RPS6KC1: variants seen among roughly 807,000 people sequenced by gnomAD.
The protein encoded by RPS6KC1 is ribosomal protein S6 kinase C1.
In RPS6KC1, 54 loss-of-function variants were observed where a neutral mutation model predicts 103.8. The ratio of observed to expected loss-of-function variants is 0.52; its 90% CI spans 0.42 to 0.65. The LOEUF (loss-of-function observed/expected upper bound fraction) is 0.65. Ranked by LOEUF, RPS6KC1 falls within the 30% of genes least tolerant of loss-of-function variation. The pLI is 0.00. For missense variants in RPS6KC1, 1,151 were observed against 1,253.8 expected (o/e 0.92, Z 1.24); for synonymous variants, 439 against 438.7 (o/e 1.00, Z -0.01).
chr1:213,217,943 T>C lies in RPS6KC1; in HGVS notation c.1045-12554T>C, dbSNP rs554958786. Among the ~76,000 whole-genome samples the C allele has an allele frequency of 7.2e-5, 11 of 152,244 alleles. No homozygotes were observed. The East Asian group carries it at 7.7e-4, about 11-fold the overall frequency. The stretch of plus-strand genomic sequence containing the variant: ...ACTGAATGGGCAAAACCTGGAAGCA[T>C]TCCCTTTGAAAACTGGCACAAGACA... On this transcript the variant is annotated intron_variant, in intron 8 of 14. Coordinates refer to ENST00000366960, the MANE Select transcript of RPS6KC1 (RefSeq NM_012424.6).
At chr1:213,095,451 G>A (rs2081361779) in intron 3 of RPS6KC1, among the ~76,000 whole-genome samples, 1 of 152,156 alleles carries the variant, frequency 6.6e-6, no homozygotes, top group South Asian at 2.1e-4. Context: ...ACAACATAGG[G>A]AAGATACCAA....
At chr1:213,843,075 A>T in the RPS6KC1 span, among the ~76,000 whole-genome samples, 6 of 152,202 alleles carry the variant, frequency 3.9e-5, no homozygotes, top group Non-Finnish European at 7.3e-5. Context: ...TGAAATCTAC[A>T]GGCTGAAAAC....
At chr1:213,204,851 T>G (rs1326493023) in intron 8 of RPS6KC1, among the ~76,000 whole-genome samples, 1 of 152,030 alleles carries the variant, frequency 6.6e-6, no homozygotes, top group Non-Finnish European at 1.5e-5. Context: ...GTAGTCTCAG[T>G]CTCCTGGGCT....
the RPS6KC1 span, among the ~76,000 whole-genome samples, chr1:213,714,909 G>C: frequency 3.3e-5 from 5 of 152,210 alleles, no homozygotes; most frequent in Admixed American, 3.3e-4. Context: ...TATGGTGGGA[G>C]GGACGGCCAT....
chr1:213,169,293 T>C (rs1410641094), intron 7 of RPS6KC1, among the ~76,000 whole-genome samples: 1 of 152,208 alleles, frequency 6.6e-6, no homozygotes, highest in Non-Finnish European at 1.5e-5. Context: ...ATTCTGAGAA[T>C]TTCTGATGTT....
At chr1:213,650,443 A>T in the RPS6KC1 span, among the ~76,000 whole-genome samples, 1 of 152,166 alleles carries the variant, frequency 6.6e-6, no homozygotes, top group Non-Finnish European at 1.5e-5. Context: ...GCCTTTTAAC[A>T]TTGCTCATGG....
the RPS6KC1 span, among the ~76,000 whole-genome samples, chr1:213,353,237 T>C: frequency 1.3e-5 from 2 of 152,250 alleles, no homozygotes; most frequent in African/African-American, 4.8e-5. Context: ...ATCTACTGAG[T>C]AAATGAATGC....
the RPS6KC1 span, among the ~76,000 whole-genome samples, chr1:213,666,149 G>T: frequency 2.6e-5 from 4 of 152,276 alleles, no homozygotes; most frequent in Non-Finnish European, 5.9e-5. Context: ...GAAGCTGGCT[G>T]GGACCTCAAA....
At chr1:213,776,692 A>G in the RPS6KC1 span, among the ~76,000 whole-genome samples, 1 of 152,218 alleles carries the variant, frequency 6.6e-6, no homozygotes, top group Non-Finnish European at 1.5e-5. Context: ...TTAGCTCCTA[A>G]CAAGAGAATC....
At position 213,242,146 on chromosome 1, in the gene RPS6KC1, TA is replaced by T. The variant is rs755980697; in HGVS notation, c.2676del (p.Lys892AsnfsTer2). The T allele has an allele frequency of 6.2e-7, 1 of 1,613,826 alleles. No homozygotes were observed. The highest frequency in any genetic ancestry group is 8.5e-7 in the Non-Finnish European group (1 of 1,179,828). ...EIHQIFEDLDKKLALASRFYI... is the reference protein window; with the variant it reads ...EIHQIFEDLDXKLALASRFYI... ...TACATCAGATTTTTGAGGACCTTGA[TA>T]AAAAATTAGCACTAGCCTCCAGGTT... On this transcript the variant is annotated frameshift_variant, in exon 11 of 15. Coordinates refer to ENST00000366960, the MANE Select transcript of RPS6KC1 (RefSeq NM_012424.6). LOFTEE classifies it high-confidence loss of function.
At chr1:213,301,939 T>C in the RPS6KC1 span, among the ~76,000 whole-genome samples, 3 of 152,128 alleles carry the variant, frequency 2.0e-5, no homozygotes, top group Non-Finnish European at 4.4e-5. Context: ...TTTCGCCATC[T>C]GGGCCAGGCA....
At chr1:213,223,674 T>A (rs1190290152) in intron 8 of RPS6KC1, among the ~76,000 whole-genome samples, 1 of 152,198 alleles carries the variant, frequency 6.6e-6, no homozygotes, top group African/African-American at 2.4e-5. Context: ...TAAACATGTA[T>A]ATGCATGTGT....
chr1:213,632,336 T>C, the RPS6KC1 span, among the ~76,000 whole-genome samples: 3 of 152,102 alleles, frequency 2.0e-5, no homozygotes, highest in South Asian at 2.1e-4. Flanking sequence ...CCCAGCATGA[T>C]TGATGCAGAA....
chr1:213,338,819 G>C, the RPS6KC1 span, among the ~76,000 whole-genome samples: 1 of 149,288 alleles, frequency 6.7e-6, no homozygotes, highest in African/African-American at 2.5e-5. Flanking sequence ...TGCCCAGGCT[G>C]GCTTTGATCT....
chr1:213,713,077 G>T, the RPS6KC1 span, among the ~76,000 whole-genome samples: 2 of 152,078 alleles, frequency 1.3e-5, no homozygotes, highest in African/African-American at 2.4e-5. Flanking sequence ...CTTCTATTCT[G>T]CTATCTTGGT....
At chr1:213,068,059 G>A (rs1186553848) in intron 1 of RPS6KC1, among the ~76,000 whole-genome samples, 1 of 152,198 alleles carries the variant, frequency 6.6e-6, no homozygotes, top group Non-Finnish European at 1.5e-5. Context: ...GTATTAAGCT[G>A]AGAAAAACAT....
chr1:213,792,512 C>T, the RPS6KC1 span, among the ~76,000 whole-genome samples: 5 of 152,012 alleles, frequency 3.3e-5, no homozygotes, highest in African/African-American at 9.7e-5. Flanking sequence ...TAAATTGAGA[C>T]ATTTGTTTAA....
At chr1:213,060,955 G>A (rs187707872) in intron 1 of RPS6KC1, among the ~76,000 whole-genome samples, 1 of 151,780 alleles carries the variant, frequency 6.6e-6, no homozygotes, top group Non-Finnish European at 1.5e-5. Flanking sequence ...AGTTCTGAAG[G>A]CTGCAGGCTG....
chr1:213,135,270 C>T (rs547135960), intron 6 of RPS6KC1, among the ~76,000 whole-genome samples: 1 of 152,236 alleles, frequency 6.6e-6, no homozygotes, highest in African/African-American at 2.4e-5. Context: ...ATAAATCCCA[C>T]TTGCCACAGA....
Sources: allele counts gnomAD v4.1 joint callset (sites outside exome capture counted in the v4.1 genomes callset), GRCh38; gene constraint gnomAD v4.1.1; transcripts MANE v1.5; gene names NCBI Gene and HGNC (gene_info 2026-07-23, HGNC 2026-07-21).